HPCAL1: variants seen among roughly 807,000 people sequenced by gnomAD.
HPCAL1 encodes the protein hippocalcin like 1, also known as hippocalcin-like protein 1.
A neutral mutation model predicts 17.1 loss-of-function variants in HPCAL1; 8 were observed. The observed-to-expected ratio is 0.47, with a 90% CI of 0.27 to 0.84. The LOEUF (loss-of-function observed/expected upper bound fraction) is 0.84. Among genes scored for constraint, HPCAL1 ranks in the 40% least tolerant of loss-of-function variants. HPCAL1 has a pLI of 0.13. For missense variants in HPCAL1, 165 were observed against 271.1 expected, an observed-to-expected ratio of 0.61 and a Z score of 2.75; for synonymous variants, 112 against 111.4, an observed-to-expected ratio of 1.01 and a Z score of -0.03.
rs975583401 is a variant in HPCAL1, at chr2:10,354,593, G to A, written c.-110-42242G>A. Reference sequence around the variant, plus strand: ...ATCGCACAGCCATGGCCGAGGTGTCGGGACTCAAATTCCGGGCCCTTGGCT... The same window carrying A: ...ATCGCACAGCCATGGCCGAGGTGTCAGGACTCAAATTCCGGGCCCTTGGCT... On this transcript the variant is annotated intron_variant, in intron 1 of 4. Coordinates refer to ENST00000307845, the MANE Select transcript of HPCAL1 (RefSeq NM_002149.4). The surrounding 1 kb of genome is among the most constrained non-coding windows in gnomAD (Gnocchi z 5.1). Among the ~76,000 whole-genome samples, 11 of 152,302 alleles carry A rather than the reference G, an allele frequency of 7.2e-5. No homozygotes were observed. The highest frequency in any genetic ancestry group is 1.4e-4 in the African/African-American group (6 of 41,570).
chr2:10,319,057 G>A (rs1572628216), intron 1 of HPCAL1, among the ~76,000 whole-genome samples: 1 of 152,170 alleles, frequency 6.6e-6, no homozygotes, highest in South Asian at 2.1e-4. Flanking sequence ...ACTCTAAAGT[G>A]CTGTATCAAT....
At chr2:10,309,381 A>G (rs1024922240) in intron 1 of HPCAL1, among the ~76,000 whole-genome samples, 1 of 152,204 alleles carries the variant, frequency 6.6e-6, no homozygotes, top group African/African-American at 2.4e-5. Context: ...CAGAGCAAAT[A>G]AGTAGCCCAA....
intron 2 of HPCAL1, among the ~76,000 whole-genome samples, chr2:10,399,570 ACCACCACCGCCAC>A (rs1669451393): frequency 2.6e-5 from 1 of 38,034 alleles, no homozygotes; most frequent in Non-Finnish European, 5.1e-5. Flanking sequence ...CGCCACCGCC[ACCACCACCGCCAC>A]CGCCACCGCC....
chr2:10,361,260 CAGAGAG>C (rs34257751), intron 1 of HPCAL1, among the ~76,000 whole-genome samples: 13 of 146,468 alleles, frequency 8.9e-5, no homozygotes, highest in South Asian at 2.2e-4. Flanking sequence ...GGGTGGATCC[CAGAGAG>C]AGAGAGAGAG....
At chr2:10,308,254 GT>G (rs1350911791) in intron 1 of HPCAL1, among the ~76,000 whole-genome samples, 2 of 151,994 alleles carry the variant, frequency 1.3e-5, no homozygotes, top group African/African-American at 4.8e-5. Flanking sequence ...ACTCATTTTT[GT>G]TTTAATTAAT....
At chr2:10,385,856 T>C (rs953864401) in intron 1 of HPCAL1, among the ~76,000 whole-genome samples, 7 of 152,140 alleles carry the variant, frequency 4.6e-5, no homozygotes, top group Non-Finnish European at 1.0e-4. Context: ...CCCACTGCCC[T>C]GGACGCCTGG....
At chr2:10,315,249 C>T (rs1230487637) in intron 1 of HPCAL1, among the ~76,000 whole-genome samples, 4 of 150,604 alleles carry the variant, frequency 2.7e-5, no homozygotes, top group Non-Finnish European at 5.9e-5. Flanking sequence ...GCCGAGATCG[C>T]GCCACTGCAC....
rs1662452872 is a variant in HPCAL1, at chr2:10,304,068, C to G, written c.-111+891C>G. ...TGCCTCTCCCTGGCCCTAACTTAAC[C>G]GCGAAGCACTGAGATTCGAGAAAGT... On this transcript the variant is annotated intron_variant, in intron 1 of 4. Coordinates refer to ENST00000307845, the MANE Select transcript of HPCAL1 (RefSeq NM_002149.4). This position sits in a 1 kb window ranked among gnomAD's most constrained non-coding sequence, Gnocchi z 4.1. The G allele has an allele frequency of 1.3e-5, 2 of 152,192 alleles. No individual in the cohort carries two copies. The highest frequency in any genetic ancestry group is 1.5e-5 in the Non-Finnish European group (1 of 68,032). The allele number at this position is 152,192 out of a possible 1,614,324, so 9.4% of individuals were successfully genotyped here.
chr2:10,413,221 G>A (rs916981177), intron 2 of HPCAL1, among the ~76,000 whole-genome samples: 1 of 152,206 alleles, frequency 6.6e-6, no homozygotes, highest in East Asian at 1.9e-4. Flanking sequence ...CCTTAGGAAG[G>A]TCCCTGGGGC....
chr2:10,411,236 T>C (rs1264186942), intron 2 of HPCAL1, among the ~76,000 whole-genome samples: 2 of 152,184 alleles, frequency 1.3e-5, no homozygotes, highest in Non-Finnish European at 1.5e-5. Context: ...CGGCTGCTTA[T>C]GGTCTTGGCA....
At chr2:10,317,154 T>C (rs1462663565) in intron 1 of HPCAL1, among the ~76,000 whole-genome samples, 2 of 152,228 alleles carry the variant, frequency 1.3e-5, no homozygotes, top group Non-Finnish European at 2.9e-5. Flanking sequence ...ATTTCTGCAA[T>C]AGTGTGTGTG....
chr2:10,383,990 A>G (rs2125544726), intron 1 of HPCAL1, among the ~76,000 whole-genome samples: 1 of 149,422 alleles, frequency 6.7e-6, no homozygotes, highest in Middle Eastern at 3.5e-3. Context: ...GTGTGTACAT[A>G]TAATTACACA....
intron 1 of HPCAL1, among the ~76,000 whole-genome samples, chr2:10,311,617 G>A (rs189830050): frequency 8.5e-5 from 13 of 152,174 alleles, no homozygotes; most frequent in Non-Finnish European, 1.3e-4. Flanking sequence ...GATGGGAGTG[G>A]GGGGAGAAGA....
At chr2:10,349,262 G>T (rs1665670338) in intron 1 of HPCAL1, among the ~76,000 whole-genome samples, 1 of 152,082 alleles carries the variant, frequency 6.6e-6, no homozygotes, top group Non-Finnish European at 1.5e-5. Flanking sequence ...CATACTAAGA[G>T]GTAAGAAGGA....
At chr2:10,383,809 A>C (rs1464070021) in intron 1 of HPCAL1, among the ~76,000 whole-genome samples, 1 of 152,022 alleles carries the variant, frequency 6.6e-6, no homozygotes, top group Non-Finnish European at 1.5e-5. Flanking sequence ...TGTGCGGGGA[A>C]GGGGGGGCTG....
chr2:10,421,349 A>G (rs56021451), intron 3 of HPCAL1, among the ~76,000 whole-genome samples: 50,118 of 152,094 alleles, frequency 0.33, 8,974 homozygotes, highest in East Asian at 0.58. Context: ...GGTATGCGAG[A>G]GAGAGTAGAG....
At chr2:10,338,046 A>T (rs956177082) in intron 1 of HPCAL1, among the ~76,000 whole-genome samples, 3 of 152,200 alleles carry the variant, frequency 2.0e-5, no homozygotes, top group Non-Finnish European at 4.4e-5. Flanking sequence ...GTGGCTGTTT[A>T]TGAAGGAGAG....
intron 1 of HPCAL1, among the ~76,000 whole-genome samples, chr2:10,370,022 G>A (rs575837367): frequency 1.6e-3 from 250 of 152,322 alleles, no homozygotes; most frequent in Non-Finnish European, 2.7e-3. Flanking sequence ...AAATGTGCTG[G>A]GTTAGGCCTC....
chr2:10,420,280 G>C, intron 3 of HPCAL1, 145 bp downstream of exon 3: 1 of 729,674 alleles, frequency 1.4e-6, no homozygotes, highest in Non-Finnish European at 2.1e-6. Flanking sequence ...CACTATCTCA[G>C]CTCACTGCAA....
Sources: allele counts gnomAD v4.1 joint callset (sites outside exome capture counted in the v4.1 genomes callset), GRCh38; gene constraint gnomAD v4.1.1; non-coding constraint Gnocchi (gnomAD v3.1); transcripts MANE v1.5; gene names NCBI Gene and HGNC (gene_info 2026-07-23, HGNC 2026-07-21).